The following TNRC6A variants were observed in gnomAD, a reference collection of about 807,000 sequenced individuals.
TNRC6A encodes trinucleotide repeat-containing gene 6A protein.
Under a neutral mutation model 221.2 loss-of-function variants are expected in TNRC6A, and 44 were observed. The ratio of observed to expected loss-of-function variants is 0.20; its 90% CI spans 0.16 to 0.26. The LOEUF is 0.26. Among genes scored for constraint, TNRC6A ranks in the 10% least tolerant of loss-of-function variants. TNRC6A has a pLI of 1.00. For missense variants in TNRC6A, 2,199 were observed against 2,404.4 expected, an observed-to-expected ratio of 0.91 and a Z score of 1.79; for synonymous variants, 847 against 838.5, an observed-to-expected ratio of 1.01 and a Z score of -0.18.
chr16:24,686,289 G>T (rs530939972), intron 2 of TNRC6A, among the ~76,000 whole-genome samples: 2 of 152,118 alleles, frequency 1.3e-5, no homozygotes, highest in East Asian at 1.9e-4. Context: ...CACGCGAGCC[G>T]AGAGGCCAGC....
chr16:24,710,362 C>T (rs2056181999), intron 2 of TNRC6A, among the ~76,000 whole-genome samples: 1 of 151,938 alleles, frequency 6.6e-6, no homozygotes, highest in Non-Finnish European at 1.5e-5. Flanking sequence ...AGTCCCAGCA[C>T]TTCGAGAGGC....
chr16:24,680,455 C>T (rs187309850), intron 2 of TNRC6A, among the ~76,000 whole-genome samples: 14 of 151,368 alleles, frequency 9.2e-5, no homozygotes, highest in African/African-American at 2.7e-4. Context: ...TGCGGTGGCT[C>T]ACACCTGTAA....
chr16:24,701,070 TGGGAGGAA>T (rs1465914187), intron 2 of TNRC6A, among the ~76,000 whole-genome samples: 1 of 152,220 alleles, frequency 6.6e-6, no homozygotes, highest in Non-Finnish European at 1.5e-5. Context: ...CATTCAGTTC[TGGGAGGAA>T]GGGTGCCAAA....
intron 4 of TNRC6A, among the ~76,000 whole-genome samples, chr16:24,763,246 G>C (rs565319832): frequency 1.1e-3 from 167 of 152,262 alleles, no homozygotes; most frequent in African/African-American, 3.7e-3. Context: ...TGCTACACCT[G>C]TAAGGGAAAT....
chr16:24,773,727 T>C (rs2057661036), intron 4 of TNRC6A, among the ~76,000 whole-genome samples: 1 of 152,192 alleles, frequency 6.6e-6, no homozygotes, highest in Admixed American at 6.5e-5. Context: ...CATATCTTTT[T>C]AGTTGTTTTT....
At chr16:24,805,231 A>C in intron 14 of TNRC6A, 80 bp downstream of exon 14, 1 of 1,552,362 alleles carries the variant, frequency 6.4e-7, no homozygotes, top group Non-Finnish European at 8.8e-7. Context: ...AAAATGGCTA[A>C]CTAAGCATTA....
Position 24,806,800 on chromosome 16 carries a change from G to T in TNRC6A, c.4540+16G>T. The T allele has an allele frequency of 1.9e-6, 3 of 1,613,284 alleles. 1 individual carries two copies. The Middle Eastern group carries it at 5.0e-4, about 266-fold the overall frequency. On this transcript the variant is annotated intron_variant, in intron 17 of 24. Coordinates refer to ENST00000395799, the MANE Select transcript of TNRC6A (RefSeq NM_014494.4). The stretch of plus-strand genomic sequence containing the variant: ...TTCCCTATAGGTGGGTTTCTCCTTG[G>T]CCCAAGTATTGGACTGATGCTTAGG...
intron 1 of TNRC6A, among the ~76,000 whole-genome samples, chr16:24,618,174 GC>G (rs1285914586): frequency 6.6e-6 from 1 of 152,130 alleles, no homozygotes; most frequent in Non-Finnish European, 1.5e-5. Flanking sequence ...GCCCGCATCA[GC>G]TTCCTAAAGT....
At chr16:24,782,329 T>C (rs1202087358) in intron 5 of TNRC6A, among the ~76,000 whole-genome samples, 1 of 152,216 alleles carries the variant, frequency 6.6e-6, no homozygotes, top group East Asian at 1.9e-4. Flanking sequence ...GGTTGTGATA[T>C]TGCATTTGTC....
At chr16:24,749,292 G>A (rs1271612008) in intron 2 of TNRC6A, among the ~76,000 whole-genome samples, 1 of 152,260 alleles carries the variant, frequency 6.6e-6, no homozygotes, top group East Asian at 1.9e-4. Flanking sequence ...GGTGTTGATT[G>A]GCAAGCTTTA....
At position 24,823,800 on chromosome 16, in the gene TNRC6A, C is replaced by T; in HGVS notation, c.5882C>T (p.Ser1961Phe). ...SVDHLGGGGE[S>F]M ...GACCACCTGGGTGGGGGTGGAGAGT[C>T]CATGTAACAGTGTAGATGCAGACTC... The change falls in exon 25 of 25, where the codon TCC (serine) becomes TTC (phenylalanine). Residue 1961 changes from serine to phenylalanine, a missense_variant. Physicochemically the swap from Ser to Phe is radical, Grantham distance 155. Transcript: ENST00000395799. The surrounding 1 kb of genome is among the most constrained non-coding windows in gnomAD (Gnocchi z 4.3). The T allele has an allele frequency of 6.8e-7, 1 of 1,466,920 alleles. No homozygotes were observed. Among genetic ancestry groups the T allele is most frequent in the Non-Finnish European group, 9.0e-7 (1 of 1,108,304 alleles). 90.9% of individuals were successfully genotyped at this position (1,466,920 alleles called of 1,614,324 possible).
chr16:24,664,866 A>G (rs778477006), intron 2 of TNRC6A: 5 of 454,716 alleles, frequency 1.1e-5, no homozygotes, highest in Admixed American at 2.4e-5. Context: ...CGAGTTTTGC[A>G]TCAGAGAAAA....
intron 4 of TNRC6A, among the ~76,000 whole-genome samples, chr16:24,774,866 C>G (rs1305795319): frequency 1.3e-5 from 2 of 152,168 alleles, no homozygotes; most frequent in Admixed American, 6.5e-5. Flanking sequence ...TAGACACATT[C>G]TTCTATATGC....
chr16:24,765,012 G>A (rs1421015328), intron 4 of TNRC6A, among the ~76,000 whole-genome samples: 1 of 152,012 alleles, frequency 6.6e-6, no homozygotes, highest in African/African-American at 2.4e-5. Flanking sequence ...TACTGTTCTC[G>A]CCTATTTTTG....
intron 2 of TNRC6A, among the ~76,000 whole-genome samples, chr16:24,705,958 C>T (rs2056085692): frequency 6.6e-6 from 1 of 152,156 alleles, no homozygotes; most frequent in African/African-American, 2.4e-5. Context: ...TCCAAGAGTA[C>T]TCCTGGAAAG....
chr16:24,615,082 A>C (rs1234284643), intron 1 of TNRC6A, among the ~76,000 whole-genome samples: 1 of 152,160 alleles, frequency 6.6e-6, no homozygotes, highest in Admixed American at 6.5e-5. Context: ...TAAATAAGTA[A>C]TTTTTAAAAT....
intron 1 of TNRC6A, among the ~76,000 whole-genome samples, chr16:24,635,677 C>T (rs562427705): frequency 3.3e-5 from 5 of 152,306 alleles, no homozygotes; most frequent in African/African-American, 1.2e-4. Flanking sequence ...AAACAATTAC[C>T]ATTTGTGTAT....
At chr16:24,763,678 C>G (rs1293336110) in intron 4 of TNRC6A, among the ~76,000 whole-genome samples, 8 of 152,058 alleles carry the variant, frequency 5.3e-5, no homozygotes, top group Non-Finnish European at 1.2e-4. Flanking sequence ...GTTTGCCTAC[C>G]CTGTTTTATG....
intron 1 of TNRC6A, among the ~76,000 whole-genome samples, chr16:24,632,025 CT>C (rs1181617379): frequency 6.6e-6 from 1 of 151,910 alleles, no homozygotes; most frequent in African/African-American, 2.4e-5. Context: ...CACCCAGCTA[CT>C]TTTTTTAATA....
Sources: allele counts gnomAD v4.1 joint callset (sites outside exome capture counted in the v4.1 genomes callset), GRCh38; gene constraint gnomAD v4.1.1; non-coding constraint Gnocchi (gnomAD v3.1); transcripts MANE v1.5; gene names NCBI Gene and HGNC (gene_info 2026-07-23, HGNC 2026-07-21).